The following FRMD5 variants were observed in gnomAD, a reference collection of about 807,000 sequenced individuals.
FRMD5 encodes the protein FERM domain-containing protein 5.
In FRMD5, 20 loss-of-function variants were observed where a neutral mutation model predicts 69.0. That is an observed-to-expected ratio of 0.29 (90% confidence interval 0.20 to 0.42). The LOEUF (loss-of-function observed/expected upper bound fraction) is 0.42, where lower values mean the gene tolerates loss of function less well. FRMD5 is among the 10% of genes least tolerant of loss of function. The pLI, the probability that FRMD5 is intolerant of heterozygous loss-of-function variation, is 1.00. For missense variants in FRMD5, 595 were observed against 708.6 expected (o/e 0.84, Z 1.82); for synonymous variants, 271 against 260.1 (o/e 1.04, Z -0.40).
chr15:44,181,187 A>T (rs1399408171), intron 1 of FRMD5, among the ~76,000 whole-genome samples: 1 of 151,966 alleles, frequency 6.6e-6, no homozygotes, highest in Non-Finnish European at 1.5e-5. Context: ...CTACAGCAGC[A>T]TGCCACCACA....
At chr15:43,885,997 G>C (rs184788714) in intron 10 of FRMD5, among the ~76,000 whole-genome samples, 25 of 152,302 alleles carry the variant, frequency 1.6e-4, no homozygotes, top group African/African-American at 6.0e-4. Flanking sequence ...GAGAGTGAAG[G>C]CTCCCCCAAA....
intron 1 of FRMD5, among the ~76,000 whole-genome samples, chr15:44,149,831 G>C (rs937666187): frequency 6.6e-6 from 1 of 152,050 alleles, no homozygotes; most frequent in African/African-American, 2.4e-5. Flanking sequence ...TAATAGCAAA[G>C]CAAAGACAGT....
In FRMD5 at chr15:44,055,410, A is replaced by T. The variant is rs369186751; in HGVS notation, c.103-131101T>A. Among the ~76,000 whole-genome samples, 43 of 152,290 alleles carry T rather than the reference A, an allele frequency of 2.8e-4. 1 individual carries two copies. The highest frequency in any genetic ancestry group is 1.0e-3 in the African/African-American group (43 of 41,562). On this transcript the variant is annotated intron_variant, in intron 1 of 13. Coordinates refer to ENST00000417257, the MANE Select transcript of FRMD5 (RefSeq NM_032892.5). ...AGTCTATGTTTTTACGACAAAAGCA[A>T]CTACTAAAGTGCTTTTATTAAATGA...
chr15:43,925,682 T>G (rs2089572396), intron 1 of FRMD5, among the ~76,000 whole-genome samples: 1 of 152,240 alleles, frequency 6.6e-6, no homozygotes, highest in South Asian at 2.1e-4. Context: ...GGCTTCTCTC[T>G]GCACTCACCC....
At chr15:44,178,340 A>T (rs1200238418) in intron 1 of FRMD5, among the ~76,000 whole-genome samples, 1 of 152,104 alleles carries the variant, frequency 6.6e-6, no homozygotes. Context: ...TAAATAAAAT[A>T]AAAAAATTAA....
At chr15:43,921,103 A>C (rs2089485903) in intron 2 of FRMD5, among the ~76,000 whole-genome samples, 1 of 152,162 alleles carries the variant, frequency 6.6e-6, no homozygotes, top group South Asian at 2.1e-4. Flanking sequence ...CCCTTCTCAC[A>C]TTACACGGCC....
chr15:44,120,723 T>A (rs1595487259), intron 1 of FRMD5, among the ~76,000 whole-genome samples: 1 of 148,430 alleles, frequency 6.7e-6, no homozygotes, highest in East Asian at 2.0e-4. Flanking sequence ...AGAGACGGGG[T>A]TTCACCGTGT....
intron 7 of FRMD5, among the ~76,000 whole-genome samples, chr15:43,895,077 C>T (rs1003606411): frequency 6.6e-6 from 1 of 152,166 alleles, no homozygotes; most frequent in African/African-American, 2.4e-5. Flanking sequence ...AGCCACCACA[C>T]CCGGCCTGTG....
chr15:44,167,371 C>CA (rs746109735), intron 1 of FRMD5, among the ~76,000 whole-genome samples: 1,943 of 141,374 alleles, frequency 0.014, 18 homozygotes, highest in African/African-American at 0.02. Context: ...CTGCCTGTCT[C>CA]AAAAAAAAAA....
intron 1 of FRMD5, among the ~76,000 whole-genome samples, chr15:44,062,466 G>A (rs975132577): frequency 4.6e-5 from 7 of 152,014 alleles, no homozygotes; most frequent in African/African-American, 9.7e-5. Context: ...CAAGGCAGGC[G>A]GATCACTTGA....
chr15:44,176,101 G>A (rs1013364350), intron 1 of FRMD5, among the ~76,000 whole-genome samples: 7 of 152,064 alleles, frequency 4.6e-5, no homozygotes, highest in African/African-American at 1.4e-4. Context: ...AAGAATGAAG[G>A]TGGTGAACTC....
chr15:43,930,887 A>C (rs978096748), intron 1 of FRMD5, among the ~76,000 whole-genome samples: 1 of 152,214 alleles, frequency 6.6e-6, no homozygotes, highest in African/African-American at 2.4e-5. Flanking sequence ...AGGGAGGACT[A>C]AGTGTTCTGT....
intron 1 of FRMD5, among the ~76,000 whole-genome samples, chr15:44,061,739 T>A (rs761991350): frequency 2.4e-4 from 36 of 152,242 alleles, no homozygotes; most frequent in Non-Finnish European, 4.3e-4. Context: ...TGCAGGATCT[T>A]TGCTTTAAAT....
At chr15:43,917,254 G>A (rs2089406885) in intron 4 of FRMD5, among the ~76,000 whole-genome samples, 1 of 152,204 alleles carries the variant, frequency 6.6e-6, no homozygotes, top group African/African-American at 2.4e-5. Flanking sequence ...GCTCCGATAT[G>A]TAGACAGGAG....
chr15:44,191,665 T>C (rs2078195602), intron 1 of FRMD5, among the ~76,000 whole-genome samples: 1 of 151,656 alleles, frequency 6.6e-6, no homozygotes, highest in Non-Finnish European at 1.5e-5. Context: ...TCCCAACTAC[T>C]TGGGAGGCTG....
At chr15:44,105,615 T>C (rs1294902567) in intron 1 of FRMD5, among the ~76,000 whole-genome samples, 4 of 152,234 alleles carry the variant, frequency 2.6e-5, no homozygotes, top group Admixed American at 6.5e-5. Context: ...TTGTCATTTA[T>C]ACTGAGTTGA....
intron 1 of FRMD5, among the ~76,000 whole-genome samples, chr15:44,178,488 T>C (rs534605853): frequency 1.3e-5 from 2 of 152,332 alleles, no homozygotes; most frequent in African/African-American, 4.8e-5. Context: ...CTCCTACGTA[T>C]ACCGTCAAGT....
At chr15:43,992,343 CTT>C (rs5812259) in intron 1 of FRMD5, among the ~76,000 whole-genome samples, 2,491 of 134,800 alleles carry the variant, frequency 0.018, 27 homozygotes, top group Non-Finnish European at 0.027. Context: ...GTTGTAAATT[CTT>C]TTTTTTTTTT....
chr15:44,058,974 A>G (rs1167156949), intron 1 of FRMD5, among the ~76,000 whole-genome samples: 1 of 152,176 alleles, frequency 6.6e-6, no homozygotes, highest in African/African-American at 2.4e-5. Context: ...TCTGTTTGAC[A>G]CTAAATTTCC....
Sources: allele counts gnomAD v4.1 joint callset (sites outside exome capture counted in the v4.1 genomes callset), GRCh38; gene constraint gnomAD v4.1.1; transcripts MANE v1.5; gene names NCBI Gene and HGNC (gene_info 2026-07-23, HGNC 2026-07-21).